The following CARD8 variants were observed in gnomAD, a reference collection of about 807,000 sequenced individuals.
The protein encoded by CARD8 is caspase recruitment domain-containing protein 8.
A neutral mutation model predicts 53.2 loss-of-function variants in CARD8; 38 were observed. The ratio of observed to expected loss-of-function variants is 0.71; its 90% CI spans 0.55 to 0.94. The LOEUF (loss-of-function observed/expected upper bound fraction) is 0.94. CARD8 is among the 40% of genes least tolerant of loss of function. The pLI, the probability that CARD8 is intolerant of heterozygous loss-of-function variation, is 0.00. For missense variants in CARD8, 561 were observed against 655.5 expected, an observed-to-expected ratio of 0.86 and a Z score of 1.57; for synonymous variants, 245 against 244.9, an observed-to-expected ratio of 1.00 and a Z score of 0.00.
rs2046833038 is a variant in CARD8 at position 48,250,708 on chromosome 19, C to A, written c.-251-861G>T. Reference sequence around the variant, plus strand: ...AATCGATGTCAAAAGCACATTTGAGCAACAAAAGAGATTTGAAGGATGTGG... The same window carrying A: ...AATCGATGTCAAAAGCACATTTGAGAAACAAAAGAGATTTGAAGGATGTGG... On this transcript the variant is annotated intron_variant, in intron 1 of 13. Coordinates refer to ENST00000651546, the MANE Select transcript of CARD8 (RefSeq NM_001184900.3). Among the ~76,000 whole-genome samples the A allele has an allele frequency of 1.3e-5, 2 of 152,164 alleles. 1 individual carries two copies. Among genetic ancestry groups the A allele is most frequent in the South Asian group, 4.1e-4 (2 of 4,834 alleles).
chr19:48,235,030 C>T (rs1448471596), intron 5 of CARD8, among the ~76,000 whole-genome samples: 3 of 152,142 alleles, frequency 2.0e-5, no homozygotes, highest in Admixed American at 6.5e-5. Context: ...GAACAGTTAT[C>T]TCCTCTTCTC....
downstream of CARD8, chr19:48,206,508 C>T (rs2037350763): frequency 4.3e-6 from 2 of 461,686 alleles, no homozygotes; most frequent in Admixed American, 4.7e-5. Context: ...GCATCCAGGC[C>T]ACATCCTCAC....
rs944818282 is a variant in CARD8 at position 48,233,080 on chromosome 19, TA to T, written c.351-588del. On this transcript the variant is annotated intron_variant, in intron 6 of 13. Transcript: ENST00000651546. ...AAACTTGACCACACCTGGGAAGCTT[TA>T]AAAACCACCCAATACCAGGTCACAG... 125 of 351,076 alleles carry T rather than the reference TA, an allele frequency of 3.6e-4. 2 individuals carry two copies. Among genetic ancestry groups the T allele is most frequent in the South Asian group, 2.5e-3 (115 of 45,320 alleles). 21.7% of individuals were successfully genotyped at this position (351,076 alleles called of 1,614,324 possible).
intron 12 of CARD8, among the ~76,000 whole-genome samples, chr19:48,218,318 A>T (rs1446825232): frequency 6.6e-6 from 1 of 150,560 alleles, no homozygotes; most frequent in Non-Finnish European, 1.5e-5. Flanking sequence ...TCACCTAGAT[A>T]TTAAGCCCTG....
chr19:48,246,307 A>G (rs945677626), intron 3 of CARD8, among the ~76,000 whole-genome samples: 1 of 152,168 alleles, frequency 6.6e-6, no homozygotes, highest in South Asian at 2.1e-4. Context: ...TGGAGTCACA[A>G]TTTGTTCCAA....
In CARD8 at chr19:48,241,028, A is replaced by T. The variant is rs2044928452; in HGVS notation, c.-8T>A. On this transcript the variant is annotated 5_prime_UTR_variant, in exon 4 of 14. Transcript: ENST00000651546. Reference sequence around the variant, plus strand: ...ACACTCCTTTTTTTCCATTTGTCAAATGTGGTATTTATGTCTTTACTGTAT... The same window carrying T: ...ACACTCCTTTTTTTCCATTTGTCAATTGTGGTATTTATGTCTTTACTGTAT... 5.2e-6 allele frequency: 8 copies of T among 1,534,868 alleles called. No homozygotes were observed. Among genetic ancestry groups the T allele is most frequent in the Non-Finnish European group, 6.1e-6 (7 of 1,145,786 alleles).
At chr19:48,233,737 G>A (rs551119043) in intron 6 of CARD8, 9 of 188,838 alleles carry the variant, frequency 4.8e-5, no homozygotes, top group Non-Finnish European at 8.8e-5. Context: ...CAACCAAGTT[G>A]TTCAACACAA....
intron 13 of CARD8, among the ~76,000 whole-genome samples, chr19:48,214,523 T>G (rs1428838346): frequency 6.6e-6 from 1 of 152,090 alleles, no homozygotes; most frequent in Non-Finnish European, 1.5e-5. Flanking sequence ...ATGCCTCAAG[T>G]GAGCATGCGT....
Position 48,223,214 on chromosome 19 carries a change from G to A in CARD8, c.1036-1359C>T, listed in dbSNP as rs561854512. Among the ~76,000 whole-genome samples, 4 of 151,832 alleles carry A rather than the reference G, an allele frequency of 2.6e-5. No individual in the cohort carries two copies. The South Asian group carries it at 6.2e-4, about 24-fold the overall frequency. On this transcript the variant is annotated intron_variant, in intron 10 of 13. Transcript: ENST00000651546. ...AGCTACTCGGGAGGCTGAGGCAGGA[G>A]AATCGCATGAACCTGGGAGGCAGAG...
At chr19:48,250,769 G>A (rs2046841593) in intron 1 of CARD8, among the ~76,000 whole-genome samples, 1 of 152,146 alleles carries the variant, frequency 6.6e-6, no homozygotes, top group African/African-American at 2.4e-5. Context: ...CCATTAGTAA[G>A]TTCAATTTTG....
chr19:48,219,070 T>C, intron 11 of CARD8, 58 bp from the exon 12 acceptor site: 1 of 1,536,682 alleles, frequency 6.5e-7, no homozygotes, highest in Non-Finnish European at 9.0e-7. Context: ...CCCGGCTCCC[T>C]ACAGTGAACT....
At chr19:48,234,578 T>C in intron 5 of CARD8, 35 bp from the exon 6 acceptor site, 1 of 1,593,878 alleles carries the variant, frequency 6.3e-7, no homozygotes. Context: ...ACTATGAATA[T>C]AAGGTAGGTG....
At position 48,232,501 on chromosome 19, in the gene CARD8, T is replaced by C; in HGVS notation, c.351-8A>G. Reference sequence around the variant, plus strand: ...TCCTGCTCTTCTGATACACTGGAGGTTGGGATCCCCATGTTACAAAAAGAT... The same window carrying C: ...TCCTGCTCTTCTGATACACTGGAGGCTGGGATCCCCATGTTACAAAAAGAT... On this transcript the variant is annotated splice_polypyrimidine_tract_variant and splice_region_variant and intron_variant, in intron 6 of 13. Coordinates refer to ENST00000651546, the MANE Select transcript of CARD8 (RefSeq NM_001184900.3). 2 of 1,535,426 alleles carry C rather than the reference T, an allele frequency of 1.3e-6. No individual in the cohort carries two copies. The highest frequency in any genetic ancestry group is 1.7e-6 in the Non-Finnish European group (2 of 1,146,236).
chr19:48,222,009 T>A (rs925980133), intron 10 of CARD8, among the ~76,000 whole-genome samples, 154 bp from the exon 11 acceptor site: 2 of 152,194 alleles, frequency 1.3e-5, no homozygotes, highest in African/African-American at 2.4e-5. Context: ...AAGATTGTGA[T>A]AGGTAGATAC....
chr19:48,211,682 C>G lies in CARD8; in HGVS notation c.*28G>C. 6.2e-7 allele frequency: 1 copy of G among 1,600,264 alleles called. No individual in the cohort carries two copies. The highest frequency in any genetic ancestry group is 8.5e-7 in the Non-Finnish European group (1 of 1,171,838). ...ATTTCCAATGAGAACGCTGGATTCT[C>G]TCTTCCAGACTACCTAACTGACTCA... On this transcript the variant is annotated 3_prime_UTR_variant, in exon 14 of 14. Transcript: ENST00000651546.
chr19:48,221,002 GAAAGAAAAAGAA>G (rs1306076923), intron 11 of CARD8, among the ~76,000 whole-genome samples: 1 of 106,186 alleles, frequency 9.4e-6, no homozygotes, highest in African/African-American at 3.2e-5. Context: ...AGGAAAGAAA[GAAAGAAAAAGAA>G]AGAAAGAAAG....
In CARD8 at chr19:48,231,449, C is replaced by T. The variant is rs113230014; in HGVS notation, c.542+211G>A. On this transcript the variant is annotated intron_variant, in intron 8 of 13. Transcript: ENST00000651546. ...CCTCCTGATTAGCTGGGACTACACG[C>T]GGGTGCCACCACGCCTGACTAATTT... Among the ~76,000 whole-genome samples, 188 of 152,172 alleles carry T rather than the reference C, an allele frequency of 1.2e-3. 4 individuals are homozygous for T. Among genetic ancestry groups the T allele is most frequent in the African/African-American group, 4.3e-3 (177 of 41,526 alleles).
intron 10 of CARD8, chr19:48,223,770 G>GCACATAT (rs1325629735): frequency 4.4e-6 from 2 of 450,682 alleles, no homozygotes; most frequent in Non-Finnish European, 8.9e-6. Context: ...CTTATCATAT[G>GCACATAT]CACATATATT....
chr19:48,210,290 G>A lies in CARD8; in HGVS notation c.*1420C>T, dbSNP rs978423218. On this transcript the variant is annotated 3_prime_UTR_variant, in exon 14 of 14. Transcript: ENST00000651546. ...AGGTGAGAAAAAGATGTCCTCAGAG[G>A]AAGCAAAAAATAAGAGAATCTGTAC... is the stretch of plus-strand genomic sequence containing the variant. 2.0e-5 allele frequency: 3 copies of A among 151,946 alleles called. No homozygotes were observed. The highest frequency in any genetic ancestry group is 4.4e-5 in the Non-Finnish European group (3 of 67,952). 9.4% of individuals were successfully genotyped at this position (151,946 alleles called of 1,614,324 possible).
Sources: gnomAD v4.1 joint callset for allele counts (sites outside exome capture counted in the v4.1 genomes callset) on GRCh38, gnomAD v4.1.1 for gene constraint, MANE v1.5 for transcripts, NCBI Gene and HGNC (gene_info 2026-07-23, HGNC 2026-07-21) for gene names.